The following ACSBG2 variants were observed in gnomAD, a reference collection of about 807,000 sequenced individuals.
ACSBG2 encodes the protein long-chain-fatty-acid--CoA ligase ACSBG2.
A neutral mutation model predicts 74.7 loss-of-function variants in ACSBG2; 62 were observed. The ratio of observed to expected loss-of-function variants is 0.83; its 90% confidence interval spans 0.68 to 1.03. The LOEUF (loss-of-function observed/expected upper bound fraction) is 1.03. Among genes scored for constraint, ACSBG2 ranks in the 50% least tolerant of loss-of-function variants. The pLI, the probability that ACSBG2 is intolerant of heterozygous loss-of-function variation, is 0.00. For synonymous variants in ACSBG2, 309 were observed against 294.1 expected (o/e 1.05, Z -0.52); for missense variants, 730 against 817.6 (o/e 0.89, Z 1.31).
chr19:6,178,259 G>C (rs919298966), intron 8 of ACSBG2, among the ~76,000 whole-genome samples: 1 of 151,886 alleles, frequency 6.6e-6, no homozygotes, highest in African/African-American at 2.4e-5. Flanking sequence ...GTTTTTCCCA[G>C]AATTAAGTTG....
chr19:6,167,176 C>G (rs920473510), intron 7 of ACSBG2, among the ~76,000 whole-genome samples: 1 of 152,200 alleles, frequency 6.6e-6, no homozygotes, highest in Non-Finnish European at 1.5e-5. Flanking sequence ...TCCCTGCCCC[C>G]CCTCAGCCTA....
chr19:6,138,618 AAGGGG>A lies in ACSBG2; in HGVS notation c.-32+2713_-32+2717del, dbSNP rs57564571. On this transcript the variant is annotated intron_variant, in intron 1 of 14. Coordinates refer to ENST00000588485, the MANE Select transcript of ACSBG2 (RefSeq NM_030924.5). ...AGAGAGAGGGAGGAAGGAAGGAAGGAAGGGGAGGAAGAAAGAAAGGAAGGGAAGGG... is the reference window on the plus strand; with the variant it reads ...AGAGAGAGGGAGGAAGGAAGGAAGGAAGGAAGAAAGAAAGGAAGGGAAGGG... Among the ~76,000 whole-genome samples, 12 of 125,482 alleles carry A rather than the reference AAGGGG, an allele frequency of 9.6e-5. 1 individual carries two copies. Among genetic ancestry groups the A allele is most frequent in the African/African-American group, 4.2e-4 (12 of 28,604 alleles). 82.3% of individuals were successfully genotyped at this position (125,482 alleles called of 152,430 possible). A position where few individuals can be genotyped will look rare whatever the true frequency, so the allele number is the denominator to read the frequency against.
chr19:6,163,447 T>TA (rs576003730), intron 6 of ACSBG2, among the ~76,000 whole-genome samples: 572 of 29,266 alleles, frequency 0.02, 103 homozygotes, highest in African/African-American at 0.036. Context: ...AGACTCCATC[T>TA]AAAAAAAAAA....
chr19:6,179,492 G>A (rs1037443055), intron 8 of ACSBG2, among the ~76,000 whole-genome samples: 1 of 151,932 alleles, frequency 6.6e-6, no homozygotes, highest in African/African-American at 2.4e-5. Flanking sequence ...TTTTCTACAT[G>A]TCTAGACTTT....
chr19:6,170,869 G>A (rs1490429692), intron 7 of ACSBG2, among the ~76,000 whole-genome samples: 4 of 152,100 alleles, frequency 2.6e-5, no homozygotes, highest in African/African-American at 9.7e-5. Context: ...TATCTCTTAA[G>A]TCTAGTAGTA....
At chr19:6,167,057 T>C (rs2089829841) in intron 7 of ACSBG2, among the ~76,000 whole-genome samples, 1 of 152,172 alleles carries the variant, frequency 6.6e-6, no homozygotes, top group African/African-American at 2.4e-5. Flanking sequence ...GCTCAAGTGA[T>C]CCTTCTGCCT....
intron 3 of ACSBG2, among the ~76,000 whole-genome samples, chr19:6,148,744 A>G (rs1321823156): frequency 1.3e-5 from 2 of 151,992 alleles, no homozygotes; most frequent in Admixed American, 6.6e-5. Flanking sequence ...ATCTCTCCTG[A>G]AAGATGGTCT....
intron 2 of ACSBG2, among the ~76,000 whole-genome samples, chr19:6,146,830 C>T (rs925286267): frequency 3.9e-5 from 6 of 152,036 alleles, no homozygotes; most frequent in Admixed American, 2.6e-4. Flanking sequence ...GGTGCGGTGG[C>T]TCATGCCTGT....
intron 2 of ACSBG2, among the ~76,000 whole-genome samples, chr19:6,145,771 T>C (rs2089008948): frequency 6.6e-6 from 1 of 152,176 alleles, no homozygotes; most frequent in Admixed American, 6.5e-5. Context: ...CTAGTTCCAT[T>C]TGGCTGATCT....
At chr19:6,168,583 T>C (rs978924943) in intron 7 of ACSBG2, among the ~76,000 whole-genome samples, 3 of 152,096 alleles carry the variant, frequency 2.0e-5, no homozygotes, top group Non-Finnish European at 4.4e-5. Flanking sequence ...AATGAATGAA[T>C]GAGGGAAATC....
intron 4 of ACSBG2, among the ~76,000 whole-genome samples, chr19:6,155,363 G>A (rs930701192): frequency 5.3e-5 from 8 of 152,148 alleles, no homozygotes; most frequent in Admixed American, 1.3e-4. Flanking sequence ...AGAAAAGCAC[G>A]GAATGGTTTC....
chr19:6,143,147 C>T lies in ACSBG2; in HGVS notation c.67+1537C>T, dbSNP rs370394621. 7.9e-5 allele frequency among the ~76,000 whole-genome samples: 12 copies of T among 152,030 alleles called. No homozygotes were observed. In the South Asian group the frequency reaches 8.3e-4, roughly 11 times the overall value. ...GCAACCTCTGCCTCCCAGGCTCAAG[C>T]GATTCTCATGCCTCGGCCACCCAAA... is the stretch of plus-strand genomic sequence containing the variant. On this transcript the variant is annotated intron_variant, in intron 2 of 14. Transcript: ENST00000588485.
intron 10 of ACSBG2, among the ~76,000 whole-genome samples, chr19:6,183,804 T>C (rs545170653): frequency 6.6e-6 from 1 of 152,340 alleles, no homozygotes; most frequent in South Asian, 2.1e-4. Context: ...TGTTTATTTA[T>C]TAAATTTTAA....
intron 2 of ACSBG2, among the ~76,000 whole-genome samples, chr19:6,143,913 G>A (rs931106383): frequency 6.6e-6 from 1 of 152,192 alleles, no homozygotes; most frequent in African/African-American, 2.4e-5. Context: ...TGCTCAGAAT[G>A]TAACCTTGTT....
At chr19:6,182,961 G>A (rs763005478) in intron 9 of ACSBG2, 29 bp downstream of exon 9, 2 of 1,612,872 alleles carry the variant, frequency 1.2e-6, no homozygotes, top group African/African-American at 1.3e-5. Flanking sequence ...GGGCTGGGAG[G>A]GTAGTTGGTG....
At chr19:6,161,482 G>C in intron 6 of ACSBG2, 187 bp downstream of exon 6, 1 of 540,570 alleles carries the variant, frequency 1.8e-6, no homozygotes, top group South Asian at 2.3e-5. Flanking sequence ...GTGGGGCCTT[G>C]TGAGGAAAGT....
chr19:6,173,370 G>C (rs927804533), intron 7 of ACSBG2, among the ~76,000 whole-genome samples: 3 of 152,176 alleles, frequency 2.0e-5, no homozygotes, highest in Non-Finnish European at 4.4e-5. Context: ...GGTCTGAGGG[G>C]AGTGTGGGCA....
At chr19:6,167,200 C>T (rs1201592621) in intron 7 of ACSBG2, among the ~76,000 whole-genome samples, 1 of 152,132 alleles carries the variant, frequency 6.6e-6, no homozygotes, top group South Asian at 2.1e-4. Context: ...TAATAGTTAC[C>T]AGCACACACT....
Position 6,190,691 on chromosome 19 carries a change from T to C in ACSBG2, c.*34T>C, listed in dbSNP as rs770569634. ...ATGGAGCTGCTCTCAGCTGTTCTGATGGTGAGATTCAGTTGCTTGGCTTTG... is the reference window on the plus strand; with the variant it reads ...ATGGAGCTGCTCTCAGCTGTTCTGACGGTGAGATTCAGTTGCTTGGCTTTG... On this transcript the variant is annotated splice_region_variant and 3_prime_UTR_variant, in exon 14 of 15. Transcript: ENST00000588485. 1 of 1,599,844 alleles carries C rather than the reference T, an allele frequency of 6.3e-7. No individual in the cohort carries two copies. The highest frequency in any genetic ancestry group is 1.1e-5 in the South Asian group (1 of 90,772).
Sources: gnomAD v4.1 joint callset for allele counts (sites outside exome capture counted in the v4.1 genomes callset) on GRCh38, gnomAD v4.1.1 for gene constraint, MANE v1.5 for transcripts, NCBI Gene and HGNC (gene_info 2026-07-23, HGNC 2026-07-21) for gene names.